The following CDH23 variants were observed in gnomAD, a reference collection of about 807,000 sequenced individuals.
CDH23 encodes the protein cadherin related 23.
CDH23 carries 189 observed loss-of-function variants against 317.1 expected under a neutral mutation model. That is an observed-to-expected ratio of 0.60 (90% CI 0.53 to 0.67). CDH23 has a LOEUF of 0.67. Among genes scored for constraint, CDH23 ranks in the 30% least tolerant of loss-of-function variants. CDH23 has a pLI of 0.00. For missense variants in CDH23, 4,401 were observed against 4,592.4 expected (o/e 0.96, Z 1.20); for synonymous variants, 1,839 against 1,876.8 (o/e 0.98, Z 0.52).
At chr10:71,571,379 C>T (rs1589220603) in intron 8 of CDH23, among the ~76,000 whole-genome samples, 1 of 152,232 alleles carries the variant, frequency 6.6e-6, no homozygotes, top group Admixed American at 6.5e-5. Flanking sequence ...GGCCCCGGCT[C>T]TTCCCTGCGA....
rs752395991 is a variant in CDH23 at position 71,709,137 on chromosome 10, A to T, written c.3146A>T (p.Asp1049Val). The change falls in exon 27 of 70, where the codon GAT (aspartate) becomes GTT (valine). Residue 1049 changes from aspartate to valine, a missense_variant. This residue lies in a region of CDH23 where 3,068 missense variants were observed against 3,203.3 expected (regional missense o/e 0.96). Coordinates refer to ENST00000224721, the MANE Select transcript of CDH23 (RefSeq NM_022124.6). The stretch of plus-strand genomic sequence containing the variant: ...GGGAAGTTCAGCGTGGGTTACCGCG[A>T]TGCCGTTGTGAGAACCGTGGTGGGC... ...VDGKFSVGYR[D>V]AVVRTVVGLD... 8 of 1,613,950 alleles carry T rather than the reference A, an allele frequency of 5.0e-6. No individual in the cohort carries two copies. The highest frequency in any genetic ancestry group is 6.8e-6 in the Non-Finnish European group (8 of 1,179,886).
chr10:71,626,159 C>T lies in CDH23; in HGVS notation c.1134+8766C>T, dbSNP rs181000522. Among the ~76,000 whole-genome samples the T allele has an allele frequency of 3.2e-3, 482 of 152,298 alleles. 1 individual carries two copies. The highest frequency in any genetic ancestry group is 4.6e-3 in the Non-Finnish European group (316 of 68,028). Reference sequence around the variant, plus strand: ...ACTGTATTTCAAAATAATTAGTTGGCTCTGTGGTTCCTTGTATTTTAGTGT... The same window carrying T: ...ACTGTATTTCAAAATAATTAGTTGGTTCTGTGGTTCCTTGTATTTTAGTGT... On this transcript the variant is annotated intron_variant, in intron 11 of 69. Coordinates refer to ENST00000224721, the MANE Select transcript of CDH23 (RefSeq NM_022124.6).
chr10:71,767,633 G>T (rs1840584327), intron 38 of CDH23, among the ~76,000 whole-genome samples: 1 of 152,230 alleles, frequency 6.6e-6, no homozygotes, highest in African/African-American at 2.4e-5. Flanking sequence ...ACAGAGGCAT[G>T]GATCAATCAG....
At chr10:71,782,739 C>T (rs938690052) in intron 41 of CDH23, among the ~76,000 whole-genome samples, 1 of 152,226 alleles carries the variant, frequency 6.6e-6, no homozygotes, top group Admixed American at 6.5e-5. Flanking sequence ...TGAGACAGGG[C>T]TGGGAAACAC....
intron 28 of CDH23, chr10:71,719,611 TC>T: frequency 6.5e-6 from 1 of 153,232 alleles, no homozygotes; most frequent in Non-Finnish European, 1.5e-5. Flanking sequence ...TCTCCTGCAG[TC>T]CCCCAAGCAC....
intron 38 of CDH23, chr10:71,762,020 A>C (rs1298872469): frequency 6.3e-7 from 1 of 1,598,898 alleles, no homozygotes; most frequent in East Asian, 2.2e-5. Flanking sequence ...GAAGGCTGCC[A>C]CCGGACCTGC....
At chr10:71,446,289 G>C in intron 2 of CDH23, 29 bp from the exon 3 acceptor site, 1 of 1,610,096 alleles carries the variant, frequency 6.2e-7, no homozygotes, top group Non-Finnish European at 8.5e-7. Flanking sequence ...GGGGGTACTT[G>C]GCTGACGCTC....
In CDH23 at chr10:71,682,583, A is replaced by G; in HGVS notation, c.1986+11A>G. The G allele has an allele frequency of 3.1e-6, 5 of 1,612,412 alleles. No homozygotes were observed. The highest frequency in any genetic ancestry group is 4.2e-6 in the Non-Finnish European group (5 of 1,179,234). ...ACCATCGAGGTGTTTGTAAGTACCC[A>G]GGGCCACTGGCCTTGCCCTGCTAGT... On this transcript the variant is annotated intron_variant, in intron 18 of 69. Coordinates refer to ENST00000224721, the MANE Select transcript of CDH23 (RefSeq NM_022124.6).
At chr10:71,752,832 T>C in intron 38 of CDH23, 1 of 1,000,984 alleles carries the variant, frequency 1.0e-6, no homozygotes, top group Non-Finnish European at 1.4e-6. Flanking sequence ...TCTGCACAGA[T>C]GTGCAGGCTT....
At position 71,803,212 on chromosome 10, in the gene CDH23, C is replaced by A. The variant is rs779209571; in HGVS notation, c.7664C>A (p.Ala2555Asp). The A allele has an allele frequency of 1.2e-6, 2 of 1,607,234 alleles. No homozygotes were observed. The highest frequency in any genetic ancestry group is 2.2e-5 in the East Asian group (1 of 44,586). Residue 2555 changes from alanine to aspartate, a missense_variant, in exon 55 of 70, where the codon GCC becomes GAC. Physicochemically the swap from Ala to Asp is moderately radical, Grantham distance 126 (BLOSUM62 -2). Transcript: ENST00000224721. ...TYSLEGPGVE[A>D]FHVDMDSGLV... Reference sequence around the variant, plus strand: ...ACTCTCCTGCTCCCACTGCCAGAGGCCTTCCATGTGGACATGGACTCGGGC... The same window carrying A: ...ACTCTCCTGCTCCCACTGCCAGAGGACTTCCATGTGGACATGGACTCGGGC...
chr10:71,452,573 T>C (rs1452747752), intron 3 of CDH23, among the ~76,000 whole-genome samples: 3 of 152,156 alleles, frequency 2.0e-5, no homozygotes, highest in Admixed American at 2.0e-4. Flanking sequence ...TCCCTTGTGC[T>C]TAGAGGCTTC....
At chr10:71,604,540 A>T (rs749153243) in intron 9 of CDH23, among the ~76,000 whole-genome samples, 6 of 152,190 alleles carry the variant, frequency 3.9e-5, no homozygotes, top group Non-Finnish European at 5.9e-5. Context: ...TCAGAGCCAG[A>T]CAAAAATCCA....
At chr10:71,620,113 C>G (rs139731715) in intron 11 of CDH23, among the ~76,000 whole-genome samples, 60 of 152,240 alleles carry the variant, frequency 3.9e-4, no homozygotes, top group African/African-American at 1.2e-3. Context: ...GCAGGTCCCT[C>G]GGTCCCTGCA....
rs572932324 is a variant in CDH23, at chr10:71,429,969, C to T, written c.-5-9858C>T. On this transcript the variant is annotated intron_variant, in intron 1 of 69. Transcript: ENST00000224721. ...ACAACTCAGCTTCCTGTTCCAGCAGCGTTCCAAGGTGGCTTCGTAGATGAA... is the reference window on the plus strand; with the variant it reads ...ACAACTCAGCTTCCTGTTCCAGCAGTGTTCCAAGGTGGCTTCGTAGATGAA... Among the ~76,000 whole-genome samples, 3 of 152,300 alleles carry T rather than the reference C, an allele frequency of 2.0e-5. No homozygotes were observed. In the East Asian group the frequency reaches 5.8e-4, roughly 29 times the overall value.
At chr10:71,760,719 G>GCAGAA in intron 38 of CDH23, 2 of 723,998 alleles carry the variant, frequency 2.8e-6, no homozygotes, top group Non-Finnish European at 5.0e-6. Context: ...GGAGGAAGCA[G>GCAGAA]AAGGGATGTG....
chr10:71,733,110 T>G lies in CDH23; in HGVS notation c.4104+735T>G, dbSNP rs1006849096. Among the ~76,000 whole-genome samples the G allele has an allele frequency of 3.0e-4, 46 of 152,148 alleles. 1 individual carries two copies. The highest frequency in any genetic ancestry group is 2.5e-3 in the Admixed American group (38 of 15,274). On this transcript the variant is annotated intron_variant, in intron 32 of 69. Transcript: ENST00000224721. ...GAGTTCCCACAACCCCCTCCACAAGTTCGATGAATTTGCTAGAGCAGCTTG... is the reference window on the plus strand; with the variant it reads ...GAGTTCCCACAACCCCCTCCACAAGGTCGATGAATTTGCTAGAGCAGCTTG...
At chr10:71,674,292 A>G (rs1273741664) in intron 14 of CDH23, among the ~76,000 whole-genome samples, 2 of 152,246 alleles carry the variant, frequency 1.3e-5, no homozygotes, top group South Asian at 2.1e-4. Flanking sequence ...AGAATTTACT[A>G]GATTTAATAG....
chr10:71,746,171 T>C (rs1045362022), intron 38 of CDH23, among the ~76,000 whole-genome samples: 1 of 152,194 alleles, frequency 6.6e-6, no homozygotes, highest in Non-Finnish European at 1.5e-5. Context: ...TGTGATGTGG[T>C]AGAGTGCTAG....
intron 14 of CDH23, chr10:71,647,065 G>A: frequency 1.0e-6 from 1 of 985,460 alleles, no homozygotes; most frequent in Non-Finnish European, 1.2e-6. Context: ...TTGACAAGGG[G>A]CCCTCCCAGT....
Sources: allele counts gnomAD v4.1 joint callset (sites outside exome capture counted in the v4.1 genomes callset), GRCh38; gene constraint gnomAD v4.1.1; regional missense constraint gnomAD v4.1.1; transcripts MANE v1.5; gene names NCBI Gene and HGNC (gene_info 2026-07-23, HGNC 2026-07-21).